Variants in NAALADL2 observed in about 807,000 individuals in gnomAD.
NAALADL2 encodes inactive N-acetylated-alpha-linked acidic dipeptidase-like protein 2.
NAALADL2 carries 76 observed loss-of-function variants against 87.2 expected under a neutral mutation model. The observed-to-expected ratio is 0.87, with a 90% CI of 0.72 to 1.05. The LOEUF (loss-of-function observed/expected upper bound fraction) is 1.05. Ranked by LOEUF, NAALADL2 falls within the 50% of genes least tolerant of loss-of-function variation. The pLI is 0.00. For missense variants in NAALADL2, 1,089 were observed against 945.8 expected (o/e 1.15, Z -1.99); for synonymous variants, 354 against 331.0 (o/e 1.07, Z -0.75).
chr3:175,480,573 A>G (rs1726311364), intron 9 of NAALADL2, among the ~76,000 whole-genome samples: 1 of 151,920 alleles, frequency 6.6e-6, no homozygotes, highest in Non-Finnish European at 1.5e-5. Flanking sequence ...AGAATTATTT[A>G]CTTTGAAATT....
chr3:174,784,846 T>G (rs1056372835), intron 3 of NAALADL2, among the ~76,000 whole-genome samples: 2 of 152,216 alleles, frequency 1.3e-5, no homozygotes, highest in African/African-American at 4.8e-5. Context: ...GTTGTTCAAT[T>G]GTTTAAGTAT....
intron 1 of NAALADL2, among the ~76,000 whole-genome samples, chr3:175,049,716 C>T (rs754227742): frequency 2.0e-5 from 3 of 152,166 alleles, no homozygotes; most frequent in Non-Finnish European, 4.4e-5. Flanking sequence ...TCTCTCTGTA[C>T]CTCATTAACC....
At chr3:175,705,785 G>C (rs1739602261) in intron 11 of NAALADL2, among the ~76,000 whole-genome samples, 1 of 152,098 alleles carries the variant, frequency 6.6e-6, no homozygotes, top group Non-Finnish European at 1.5e-5. Context: ...CCTCAAGTTA[G>C]AACAGGAGTT....
chr3:175,328,462 G>T (rs1761010256), intron 5 of NAALADL2, among the ~76,000 whole-genome samples: 1 of 151,882 alleles, frequency 6.6e-6, no homozygotes, highest in Non-Finnish European at 1.5e-5. Context: ...AAATTGCGGG[G>T]GAGGCAGAGA....
chr3:174,490,794 G>A (rs938546247), intron 1 of NAALADL2, among the ~76,000 whole-genome samples: 2 of 151,954 alleles, frequency 1.3e-5, no homozygotes, highest in Non-Finnish European at 2.9e-5. Flanking sequence ...ATTGGGTGAA[G>A]GAGAAGTTGG....
intron 10 of NAALADL2, among the ~76,000 whole-genome samples, chr3:175,611,460 G>GACC (rs1724641009): frequency 6.6e-6 from 1 of 151,868 alleles, no homozygotes; most frequent in South Asian, 2.1e-4. Flanking sequence ...ACCATTGAGA[G>GACC]ACCTGAGGGC....
chr3:175,124,940 T>C lies in NAALADL2; in HGVS notation c.545+27649T>C, dbSNP rs1055822286. ...TAGAGACATGAGCACTAAAGTTTTGTTTTTAGGGAAGATCAATCTAGTGAG... is the reference window on the plus strand; with the variant it reads ...TAGAGACATGAGCACTAAAGTTTTGCTTTTAGGGAAGATCAATCTAGTGAG... On this transcript the variant is annotated intron_variant, in intron 2 of 13. Transcript: ENST00000454872. 3.9e-5 allele frequency among the ~76,000 whole-genome samples: 6 copies of C among 152,012 alleles called. No individual in the cohort carries two copies. In the East Asian group the frequency reaches 1.2e-3, roughly 30 times the overall value.
intron 11 of NAALADL2, chr3:175,675,455 A>T (rs1045087568): frequency 2.6e-5 from 4 of 152,210 alleles, no homozygotes; most frequent in Admixed American, 2.0e-4. Flanking sequence ...ACAACTTGAG[A>T]TTCATTGCTA....
chr3:174,962,438 T>TATGTCATAGTGACTA (rs1440601115), intron 1 of NAALADL2, among the ~76,000 whole-genome samples: 1 of 131,388 alleles, frequency 7.6e-6, no homozygotes, highest in Admixed American at 7.2e-5. Flanking sequence ...TATATGTATA[T>TATGTCATAGTGACTA]TTTTAAGTCT....
In NAALADL2 at chr3:175,227,420, A is replaced by T. The variant is rs189903572; in HGVS notation, c.546-6511A>T. Among the ~76,000 whole-genome samples the T allele has an allele frequency of 7.9e-4, 120 of 152,184 alleles. 2 individuals are homozygous for T. Among genetic ancestry groups the T allele is most frequent in the Admixed American group, 6.9e-3 (106 of 15,254 alleles). ...GTTCATTATGCTGCCTGCCAAAACT[A>T]CTGGCCCGTGGAAACCCTTATTTTA... is the stretch of plus-strand genomic sequence containing the variant. On this transcript the variant is annotated intron_variant, in intron 2 of 13. Coordinates refer to ENST00000454872, the MANE Select transcript of NAALADL2 (RefSeq NM_207015.3).
At chr3:175,381,716 T>C (rs955979751) in intron 5 of NAALADL2, among the ~76,000 whole-genome samples, 9 of 152,206 alleles carry the variant, frequency 5.9e-5, no homozygotes, top group African/African-American at 2.2e-4. Flanking sequence ...TTTTTGTTTT[T>C]GTCTTAGAAG....
intron 1 of NAALADL2, among the ~76,000 whole-genome samples, chr3:174,524,298 T>G (rs1720529919): frequency 1.3e-5 from 2 of 152,150 alleles, no homozygotes; most frequent in African/African-American, 2.4e-5. Context: ...AATATTTATG[T>G]AGCGCATTGG....
intron 1 of NAALADL2, among the ~76,000 whole-genome samples, chr3:175,045,594 G>A (rs1321635442): frequency 1.3e-5 from 2 of 152,102 alleles, no homozygotes. Context: ...TGAGACTCTT[G>A]AATCAGAGAA....
In NAALADL2 at chr3:174,587,665, A is replaced by G. The variant is rs539905892; in HGVS notation, c.-115+37028A>G. On this transcript the variant is annotated intron_variant, in intron 2 of 3. Coordinates refer to the NAALADL2 transcript ENST00000434257. Reference sequence around the variant, plus strand: ...AGTTTGGCTGGATATGAAATTCTGGATTGAAAATTCTTTTCTTTAAGAATG... The same window carrying G: ...AGTTTGGCTGGATATGAAATTCTGGGTTGAAAATTCTTTTCTTTAAGAATG... 3.9e-5 allele frequency among the ~76,000 whole-genome samples: 6 copies of G among 152,202 alleles called. No homozygotes were observed. The South Asian group carries it at 1.2e-3, about 32-fold the overall frequency.
chr3:175,248,787 T>C (rs573437069), intron 3 of NAALADL2, among the ~76,000 whole-genome samples: 5 of 152,296 alleles, frequency 3.3e-5, no homozygotes, highest in Non-Finnish European at 2.9e-5. Flanking sequence ...TATATATCCA[T>C]ATAGTATTAT....
chr3:174,939,585 A>G (rs575286402), intron 1 of NAALADL2, among the ~76,000 whole-genome samples: 1 of 152,178 alleles, frequency 6.6e-6, no homozygotes, highest in Admixed American at 6.5e-5. Context: ...TTCAATCTGT[A>G]AATTGCTTTG....
chr3:174,828,238 T>C (rs528992931), intron 3 of NAALADL2, among the ~76,000 whole-genome samples: 5 of 152,216 alleles, frequency 3.3e-5, no homozygotes, highest in South Asian at 2.1e-4. Context: ...ATTAGTCTTA[T>C]AGCACAGCAG....
chr3:175,456,984 G>C (rs1158080872), intron 6 of NAALADL2, among the ~76,000 whole-genome samples: 1 of 151,998 alleles, frequency 6.6e-6, no homozygotes, highest in African/African-American at 2.4e-5. Flanking sequence ...GTTATCTCAT[G>C]AGGATATTCA....
chr3:174,814,534 A>C (rs1720576079), intron 3 of NAALADL2, among the ~76,000 whole-genome samples: 1 of 152,130 alleles, frequency 6.6e-6, no homozygotes. Context: ...CAATTTAAGT[A>C]CTACTATGTG....
Sources: gnomAD v4.1 joint callset for allele counts (sites outside exome capture counted in the v4.1 genomes callset) on GRCh38, gnomAD v4.1.1 for gene constraint, MANE v1.5 for transcripts, NCBI Gene and HGNC (gene_info 2026-07-23, HGNC 2026-07-21) for gene names.